PHTF2: variants seen among roughly 807,000 people sequenced by gnomAD.
The protein encoded by PHTF2 is putative homeodomain transcription factor 2, also known as protein PHTF2.
Under a neutral mutation model 101.2 loss-of-function variants are expected in PHTF2, and 60 were observed. That is an observed-to-expected ratio of 0.59 (90% confidence interval 0.48 to 0.73). The LOEUF (loss-of-function observed/expected upper bound fraction) is 0.73. Ranked by LOEUF, PHTF2 falls within the 30% of genes least tolerant of loss-of-function variation. The probability of loss-of-function intolerance (pLI) is 0.00; values close to 1 mark genes in which losing one functional copy is unlikely to be tolerated. For missense variants in PHTF2, 747 were observed against 908.7 expected (o/e 0.82, Z 2.29); for synonymous variants, 311 against 307.3 (o/e 1.01, Z -0.13).
intron 1 of PHTF2, among the ~76,000 whole-genome samples, chr7:77,830,485 C>T (rs1300910980): frequency 1.3e-5 from 2 of 152,204 alleles, no homozygotes; most frequent in African/African-American, 2.4e-5. Context: ...CCATTACCAT[C>T]TGAGCTCTGC....
chr7:77,847,362 A>G (rs1796384186), intron 2 of PHTF2, among the ~76,000 whole-genome samples: 1 of 152,032 alleles, frequency 6.6e-6, no homozygotes, highest in Admixed American at 6.6e-5. Context: ...ACCATGCTTT[A>G]TAGTATGATA....
chr7:77,875,720 G>T (rs1188289654), intron 3 of PHTF2, among the ~76,000 whole-genome samples: 1 of 151,906 alleles, frequency 6.6e-6, no homozygotes, highest in Non-Finnish European at 1.5e-5. Flanking sequence ...ACCACGCCTG[G>T]CTAATTTTTT....
intron 11 of PHTF2, among the ~76,000 whole-genome samples, chr7:77,926,287 A>G (rs1314512278): frequency 6.6e-6 from 1 of 152,236 alleles, no homozygotes; most frequent in Non-Finnish European, 1.5e-5. Context: ...GTGCCTTGCT[A>G]ATGAAAACTG....
intron 7 of PHTF2, 56 bp downstream of exon 6, chr7:77,901,976 A>G (rs1584651077): frequency 1.8e-6 from 2 of 1,118,516 alleles, no homozygotes; most frequent in Admixed American, 2.8e-5. Flanking sequence ...GTTAGGTTTA[A>G]TAAGTCTTTG....
intron 6 of PHTF2, among the ~76,000 whole-genome samples, chr7:77,901,560 A>G (rs1246309727): frequency 6.6e-6 from 1 of 152,212 alleles, no homozygotes. Context: ...TATTTATAAA[A>G]TATGTGGGAG....
chr7:77,859,885 C>T (rs560565582), intron 3 of PHTF2, among the ~76,000 whole-genome samples: 1 of 152,112 alleles, frequency 6.6e-6, no homozygotes, highest in Non-Finnish European at 1.5e-5. Context: ...CCTAGCTCCT[C>T]TTATATGAAG....
chr7:77,876,901 A>G (rs888142452), intron 3 of PHTF2, among the ~76,000 whole-genome samples: 2 of 152,174 alleles, frequency 1.3e-5, no homozygotes, highest in African/African-American at 2.4e-5. Flanking sequence ...AATTCAGATA[A>G]CACTTATCAA....
At chr7:77,851,677 G>T (rs1223312306) in intron 2 of PHTF2, among the ~76,000 whole-genome samples, 4 of 150,236 alleles carry the variant, frequency 2.7e-5, no homozygotes, top group African/African-American at 9.8e-5. Flanking sequence ...AAGTGATCTG[G>T]CTGCCTTGGC....
intron 1 of PHTF2, among the ~76,000 whole-genome samples, chr7:77,834,191 A>G (rs891788738): frequency 1.8e-4 from 27 of 151,916 alleles, no homozygotes; most frequent in African/African-American, 4.6e-4. Flanking sequence ...GTACATGCCT[A>G]TAGTCACAGC....
chr7:77,854,771 G>A (rs1248004418), exon 3 of PHTF2: 1 of 742,624 alleles, frequency 1.3e-6, no homozygotes, highest in Non-Finnish European at 2.5e-6. Context: ...CAGGCCCACA[G>A]CAAGTACTGC....
intron 1 of PHTF2, among the ~76,000 whole-genome samples, chr7:77,802,283 T>C (rs922781844): frequency 6.6e-6 from 1 of 152,216 alleles, no homozygotes; most frequent in African/African-American, 2.4e-5. Context: ...TTTTGATAAT[T>C]GGAAATTGCA....
At chr7:77,893,542 A>G in intron 3 of PHTF2, 66 bp from the exon 3 acceptor site, 1 of 663,190 alleles carries the variant, frequency 1.5e-6, no homozygotes, top group South Asian at 2.0e-5. Context: ...TTGTATTTCA[A>G]GCAGAGTTAT....
chr7:77,813,548 G>GAA lies in PHTF2; in HGVS notation c.-36+14579_-36+14580dup, dbSNP rs1299057887. ...GTTTTGCACTGTGAAAGGGAGAAGA[G>GAA]AAAGGTACTGTATTTAATGAGCACC... is the stretch of plus-strand genomic sequence containing the variant. On this transcript the variant is annotated intron_variant, in intron 1 of 19. Coordinates refer to ENST00000416283, the Ensembl canonical transcript of PHTF2. Among the ~76,000 whole-genome samples, 8 of 152,182 alleles carry GAA rather than the reference G, an allele frequency of 5.3e-5. No homozygotes were observed. In the East Asian group the frequency reaches 1.5e-3, roughly 29 times the overall value.
chr7:77,831,714 A>T (rs1584427910), intron 1 of PHTF2, among the ~76,000 whole-genome samples: 1 of 152,218 alleles, frequency 6.6e-6, no homozygotes, highest in Non-Finnish European at 1.5e-5. Flanking sequence ...TGAACAGAGC[A>T]CGGCTGCCAT....
chr7:77,857,876 G>C (rs1282650210), intron 3 of PHTF2, among the ~76,000 whole-genome samples: 2 of 152,108 alleles, frequency 1.3e-5, no homozygotes, highest in Non-Finnish European at 2.9e-5. Flanking sequence ...TGTCAACCCA[G>C]AGTTATTGCT....
chr7:77,802,830 C>T lies in PHTF2; in HGVS notation c.-36+3859C>T, dbSNP rs549546530. Among the ~76,000 whole-genome samples, 6 of 152,320 alleles carry T rather than the reference C, an allele frequency of 3.9e-5. No homozygotes were observed. In the South Asian group the frequency reaches 1.0e-3, roughly 26 times the overall value. On this transcript the variant is annotated intron_variant, in intron 1 of 19. Coordinates refer to ENST00000416283, the Ensembl canonical transcript of PHTF2. Reference sequence around the variant, plus strand: ...ACAGATATAAGCCACCACTCCTGGCCAGTGTGTTTTAAATTGGGACTGCCC... The same window carrying T: ...ACAGATATAAGCCACCACTCCTGGCTAGTGTGTTTTAAATTGGGACTGCCC...
chr7:77,937,769 A>G (rs1308515253), exon 13 of PHTF2: 1 of 1,523,110 alleles, frequency 6.6e-7, no homozygotes, highest in Non-Finnish European at 9.0e-7. Flanking sequence ...GTGCTATAGT[A>G]TGGGAAGGTA....
chr7:77,812,004 C>G (rs183276964), intron 1 of PHTF2, among the ~76,000 whole-genome samples: 36 of 152,280 alleles, frequency 2.4e-4, no homozygotes, highest in African/African-American at 8.2e-4. Context: ...TGATCATATC[C>G]TTATCACAAG....
intron 3 of PHTF2, among the ~76,000 whole-genome samples, chr7:77,890,573 G>A (rs1337574980): frequency 2.8e-5 from 4 of 144,296 alleles, no homozygotes; most frequent in African/African-American, 1.0e-4. Context: ...TTACTAAAAA[G>A]TATGTGGTGC....
Sources: gnomAD v4.1 joint callset for allele counts (sites outside exome capture counted in the v4.1 genomes callset) on GRCh38, gnomAD v4.1.1 for gene constraint, MANE v1.5 for transcripts, NCBI Gene and HGNC (gene_info 2026-07-23, HGNC 2026-07-21) for gene names.